SORCS2: variants seen among roughly 807,000 people sequenced by gnomAD.
SORCS2 encodes the protein sortilin related VPS10 domain containing receptor 2, also known as VPS10 domain-containing receptor SorCS2.
A neutral mutation model predicts 141.6 loss-of-function variants in SORCS2; 100 were observed. The ratio of observed to expected loss-of-function variants is 0.71; its 90% CI spans 0.60 to 0.83. The LOEUF (loss-of-function observed/expected upper bound fraction) is 0.83, where lower values mean the gene tolerates loss of function less well. Ranked by LOEUF, SORCS2 falls within the 40% of genes least tolerant of loss-of-function variation. SORCS2 has a pLI of 0.00. For synonymous variants in SORCS2, 789 were observed against 676.9 expected (o/e 1.17, Z -2.57); for missense variants, 1,646 against 1,560.2 (o/e 1.05, Z -0.93).
In SORCS2 at chr4:7,664,255, C is replaced by T. The variant is rs1388111133; in HGVS notation, c.953-98C>T. 3 of 934,308 alleles carry T rather than the reference C, an allele frequency of 3.2e-6. No homozygotes were observed. The Admixed American group carries it at 6.7e-5, about 21-fold the overall frequency. 57.9% of individuals were successfully genotyped at this position (934,308 alleles called of 1,614,324 possible). On this transcript the variant is annotated intron_variant, in intron 6 of 26. Coordinates refer to ENST00000507866, the MANE Select transcript of SORCS2 (RefSeq NM_020777.3). This position sits in a 1 kb window ranked among gnomAD's most constrained non-coding sequence, Gnocchi z 4.7. ...AATTCAAGCCCATGAAGCCACACCA[C>T]AGCGGTATTGGAGGAAGATGGAGTC...
intron 12 of SORCS2, among the ~76,000 whole-genome samples, chr4:7,699,011 G>C (rs1724886937): frequency 6.6e-6 from 1 of 152,234 alleles, no homozygotes; most frequent in South Asian, 2.1e-4. Context: ...ATGCGTCTGA[G>C]AGAGAACTCA....
At chr4:7,554,432 T>A (rs1713954926) in intron 3 of SORCS2, among the ~76,000 whole-genome samples, 1 of 152,152 alleles carries the variant, frequency 6.6e-6, no homozygotes, top group Non-Finnish European at 1.5e-5. Flanking sequence ...CCTGCTCCCA[T>A]GTCCTCTCTG....
At chr4:7,297,660 C>T (rs1717169383) in intron 1 of SORCS2, among the ~76,000 whole-genome samples, 1 of 152,238 alleles carries the variant, frequency 6.6e-6, no homozygotes, top group South Asian at 2.1e-4. Context: ...AAAATGAGAA[C>T]CGTGCTCTAT....
In SORCS2 at chr4:7,664,154, C is replaced by T. The variant is rs965860594; in HGVS notation, c.953-199C>T. ...CACCTTCCTGAGGGTTGAAGGAGCT[C>T]GTGTCAGAGTGCAGGTGGCCCACAG... On this transcript the variant is annotated intron_variant, in intron 6 of 26. Coordinates refer to ENST00000507866, the MANE Select transcript of SORCS2 (RefSeq NM_020777.3). The surrounding 1 kb of genome is among the most constrained non-coding windows in gnomAD (Gnocchi z 4.7). Among the ~76,000 whole-genome samples, 8 of 152,050 alleles carry T rather than the reference C, an allele frequency of 5.3e-5. No homozygotes were observed. Among genetic ancestry groups the T allele is most frequent in the African/African-American group, 1.9e-4 (8 of 41,378 alleles).
At chr4:7,213,015 C>A (rs1045849333) in intron 1 of SORCS2, among the ~76,000 whole-genome samples, 18 of 152,248 alleles carry the variant, frequency 1.2e-4, no homozygotes, top group African/African-American at 4.3e-4. Flanking sequence ...GAGGTGTCAG[C>A]TCTGGGCGGT....
chr4:7,721,162 CATT>C (rs1225416561), intron 18 of SORCS2, among the ~76,000 whole-genome samples: 1 of 152,186 alleles, frequency 6.6e-6, no homozygotes, highest in Non-Finnish European at 1.5e-5. Flanking sequence ...AGAAGGAATC[CATT>C]ATTAATACCT....
chr4:7,695,296 ATGGGTGAGTGAATGGGTGGGTGGG>A (rs1724530367), intron 11 of SORCS2, among the ~76,000 whole-genome samples: 5 of 49,180 alleles, frequency 1.0e-4, no homozygotes, highest in Admixed American at 5.0e-4. Context: ...GGATGGTTGG[ATGGGTGAGTGAATGGGTGGGTGGG>A]TGGATGGATG....
chr4:7,568,620 G>A (rs1715179536), intron 3 of SORCS2, among the ~76,000 whole-genome samples: 1 of 152,130 alleles, frequency 6.6e-6, no homozygotes, highest in Admixed American at 6.5e-5. Context: ...CATGATCTAA[G>A]GTGGAAACCG....
rs118092756 is a variant in SORCS2 at position 7,254,496 on chromosome 4, G to A, written c.480+61370G>A. ...GTGTCCATGGACTTATGAGTGTGGA[G>A]TGATAGACAGTGGAGACTCGGATGG... is the stretch of plus-strand genomic sequence containing the variant. On this transcript the variant is annotated intron_variant, in intron 1 of 26. Coordinates refer to ENST00000507866, the MANE Select transcript of SORCS2 (RefSeq NM_020777.3). Among the ~76,000 whole-genome samples, 1,132 of 152,328 alleles carry A rather than the reference G, an allele frequency of 7.4e-3. 35 individuals carry two copies. Among genetic ancestry groups the A allele is most frequent in the Admixed American group, 0.058 (882 of 15,302 alleles).
At chr4:7,317,981 GA>G (rs2108937342) in intron 1 of SORCS2, among the ~76,000 whole-genome samples, 1 of 152,320 alleles carries the variant, frequency 6.6e-6, no homozygotes, top group South Asian at 2.1e-4. Context: ...CAAACGTCTG[GA>G]GGCAGGAACC....
At chr4:7,229,757 T>C (rs1218186559) in intron 1 of SORCS2, among the ~76,000 whole-genome samples, 1 of 151,968 alleles carries the variant, frequency 6.6e-6, no homozygotes, top group African/African-American at 2.4e-5. Context: ...AGCAGTGTCA[T>C]GTGCTCATGT....
chr4:7,493,059 A>G (rs1044087152), intron 2 of SORCS2, among the ~76,000 whole-genome samples: 1 of 152,206 alleles, frequency 6.6e-6, no homozygotes, highest in Non-Finnish European at 1.5e-5. Context: ...GGCTCCTTCC[A>G]TCTGGGGTGT....
Position 7,715,266 on chromosome 4 carries a change from C to A in SORCS2, c.2207C>A (p.Pro736Gln). The stretch of plus-strand genomic sequence containing the variant: ...AACTTCTGGTTTAACCCATTGTCCC[C>A]GCCTGACGACTGTGCCCTGGGCCAG... The part of the protein sequence containing the change: ...SANFWFNPLS[P>Q]PDDCALGQTY... Residue 736 changes from proline to glutamine, a missense_variant, in exon 17 of 27, where the codon CCG becomes CAG. Transcript: ENST00000507866. 1.2e-6 allele frequency: 2 copies of A among 1,613,326 alleles called. No homozygotes were observed. The highest frequency in any genetic ancestry group is 1.7e-6 in the Non-Finnish European group (2 of 1,179,762).
intron 1 of SORCS2, among the ~76,000 whole-genome samples, chr4:7,379,303 C>A (rs1402047542): frequency 6.6e-6 from 1 of 152,154 alleles, no homozygotes; most frequent in Non-Finnish European, 1.5e-5. Flanking sequence ...GGAGGGAGGG[C>A]AGGATCACCA....
At chr4:7,717,561 G>GGT (rs921368051) in intron 17 of SORCS2, among the ~76,000 whole-genome samples, 1 of 152,188 alleles carries the variant, frequency 6.6e-6, no homozygotes, top group Non-Finnish European at 1.5e-5. Context: ...CAGGAGGAGG[G>GGT]GTGTGTGTGC....
chr4:7,688,916 C>G (rs1185559540), intron 10 of SORCS2, among the ~76,000 whole-genome samples: 1 of 152,208 alleles, frequency 6.6e-6, no homozygotes, highest in Non-Finnish European at 1.5e-5. Flanking sequence ...ACTTAACCCA[C>G]CCCTCTGTAT....
rs569956329 is a variant in SORCS2, at chr4:7,616,257, T to A, written c.649-22071T>A. 1.3e-3 allele frequency among the ~76,000 whole-genome samples: 192 copies of A among 152,266 alleles called. 1 individual carries two copies. The highest frequency in any genetic ancestry group is 4.4e-3 in the African/African-American group (182 of 41,546). On this transcript the variant is annotated intron_variant, in intron 3 of 26. Coordinates refer to ENST00000507866, the MANE Select transcript of SORCS2 (RefSeq NM_020777.3). ...ACTCCTGGCTGAAAAAGGTGCCTCC[T>A]CTGAGTGCCGCTAGCCAACCCACTC... is the stretch of plus-strand genomic sequence containing the variant.
At chr4:7,617,759 C>T (rs1718865203) in intron 3 of SORCS2, among the ~76,000 whole-genome samples, 1 of 152,132 alleles carries the variant, frequency 6.6e-6, no homozygotes, top group African/African-American at 2.4e-5. Context: ...CTGACTTGCC[C>T]CTCATGGGCT....
chr4:7,693,388 C>T (rs1171494497), intron 11 of SORCS2, among the ~76,000 whole-genome samples: 1 of 152,226 alleles, frequency 6.6e-6, no homozygotes. Context: ...AGGCTGCTCT[C>T]CATGCCCAGG....
Sources: allele counts gnomAD v4.1 joint callset (sites outside exome capture counted in the v4.1 genomes callset), GRCh38; gene constraint gnomAD v4.1.1; non-coding constraint Gnocchi (gnomAD v3.1); transcripts MANE v1.5; gene names NCBI Gene and HGNC (gene_info 2026-07-23, HGNC 2026-07-21).